The following CPNE2 variants were observed in gnomAD, a reference collection of about 807,000 sequenced individuals.
CPNE2 encodes copine 2.
CPNE2 carries 42 observed loss-of-function variants against 69.7 expected under a neutral mutation model. The observed-to-expected ratio is 0.60, with a 90% CI of 0.47 to 0.78. The LOEUF is 0.78. Among genes scored for constraint, CPNE2 ranks in the 30% least tolerant of loss-of-function variants. CPNE2 has a pLI of 0.00. For missense variants in CPNE2, 587 were observed against 732.0 expected (o/e 0.80, Z 2.29); for synonymous variants, 294 against 289.8 (o/e 1.01, Z -0.15).
intron 3 of CPNE2, among the ~76,000 whole-genome samples, chr16:57,114,456 C>G (rs554654051): frequency 1.3e-5 from 2 of 152,288 alleles, no homozygotes; most frequent in Non-Finnish European, 2.9e-5. Flanking sequence ...CCACCTCTCA[C>G]GCCACCTGCT....
At chr16:57,131,772 G>C (rs147816160) in intron 12 of CPNE2, among the ~76,000 whole-genome samples, 12 of 152,298 alleles carry the variant, frequency 7.9e-5, no homozygotes, top group African/African-American at 2.9e-4. Context: ...CCTCACTCCT[G>C]CTGCCTGAAG....
In CPNE2 at chr16:57,130,435, G is replaced by C. The variant is rs2069829436; in HGVS notation, c.1116+2532G>C. The stretch of plus-strand genomic sequence containing the variant: ...GAGAGAGCCAGGCAGATGAAGCGGA[G>C]ACTGAGCCCGGGGGCAGAGCAGGGA... On this transcript the variant is annotated intron_variant, in intron 12 of 15. Transcript: ENST00000290776. This position sits in a 1 kb window ranked among gnomAD's most constrained non-coding sequence, Gnocchi z 4.1. Among the ~76,000 whole-genome samples the C allele has an allele frequency of 6.6e-6, 1 of 152,092 alleles. No homozygotes were observed. The highest frequency in any genetic ancestry group is 2.1e-4 in the South Asian group (1 of 4,832).
At chr16:57,093,239 T>G (rs1238772459) in intron 1 of CPNE2, among the ~76,000 whole-genome samples, 1 of 121,650 alleles carries the variant, frequency 8.2e-6, no homozygotes, top group African/African-American at 3.0e-5. Flanking sequence ...ACCCACCCCC[T>G]GCCCCAGGCA....
At chr16:57,140,094 G>A (rs955008396) in intron 14 of CPNE2, among the ~76,000 whole-genome samples, 79 of 152,034 alleles carry the variant, frequency 5.2e-4, no homozygotes, top group African/African-American at 1.9e-3. Context: ...GGAGCTTCCC[G>A]GCCCTGACCC....
At chr16:57,134,449 G>A (rs2069861944) in intron 12 of CPNE2, among the ~76,000 whole-genome samples, 1 of 152,166 alleles carries the variant, frequency 6.6e-6, no homozygotes, top group Admixed American at 6.5e-5. Context: ...TGGAACCCTG[G>A]CCCACAGGGA....
intron 4 of CPNE2, 114 bp downstream of exon 4, chr16:57,115,664 C>G (rs1001303026): frequency 2.9e-6 from 2 of 699,838 alleles, no homozygotes; most frequent in Admixed American, 6.2e-5. Flanking sequence ...AGTAAAAAGG[C>G]CCAACTTACA....
At chr16:57,119,145 A>C in intron 5 of CPNE2, 50 bp from the exon 6 acceptor site, 1 of 1,546,438 alleles carries the variant, frequency 6.5e-7, no homozygotes, top group Non-Finnish European at 8.9e-7. Flanking sequence ...CATCTGCCTG[A>C]ACCTAGCAGG....
At chr16:57,110,472 TC>T (rs2069673741) in intron 1 of CPNE2, 1 of 204,296 alleles carries the variant, frequency 4.9e-6, no homozygotes, top group Admixed American at 6.0e-5. Flanking sequence ...GCACTTGACC[TC>T]CCCAAGTGCT....
chr16:57,096,481 C>T (rs1354900683), intron 1 of CPNE2, among the ~76,000 whole-genome samples: 1 of 152,080 alleles, frequency 6.6e-6, no homozygotes, highest in Non-Finnish European at 1.5e-5. Flanking sequence ...CACTTGAGCC[C>T]AGGAGTTCAA....
chr16:57,099,660 C>T (rs73548835), intron 1 of CPNE2, among the ~76,000 whole-genome samples: 10,016 of 151,340 alleles, frequency 0.066, 574 homozygotes, highest in African/African-American at 0.13. Flanking sequence ...TGCAGTGGCG[C>T]GATCTCAGCT....
chr16:57,114,686 A>G (rs1281748180), intron 3 of CPNE2, among the ~76,000 whole-genome samples: 1 of 152,156 alleles, frequency 6.6e-6, no homozygotes, highest in Non-Finnish European at 1.5e-5. Flanking sequence ...CTGGCCCCTG[A>G]GTGCAGTGGG....
intron 12 of CPNE2, among the ~76,000 whole-genome samples, chr16:57,128,403 G>C (rs1006695237): frequency 6.6e-6 from 1 of 151,822 alleles, no homozygotes; most frequent in Admixed American, 6.6e-5. Flanking sequence ...GCTAACTTTT[G>C]TATTTTTAGT....
At chr16:57,129,988 A>C in intron 12 of CPNE2, among the ~76,000 whole-genome samples, 1 of 152,074 alleles carries the variant, frequency 6.6e-6, no homozygotes, top group South Asian at 2.1e-4. Flanking sequence ...AGTGGCTCAC[A>C]CCTGTAATTT....
At chr16:57,145,250 T>C (rs2145288122) in intron 14 of CPNE2, among the ~76,000 whole-genome samples, 1 of 152,330 alleles carries the variant, frequency 6.6e-6, no homozygotes, top group East Asian at 1.9e-4. Context: ...CTGGGCTTCC[T>C]GCCTTCCCTT....
intron 1 of CPNE2, among the ~76,000 whole-genome samples, chr16:57,093,515 C>G (rs1374808835): frequency 6.6e-6 from 1 of 152,046 alleles, no homozygotes; most frequent in Non-Finnish European, 1.5e-5. Context: ...ACCCCATCCC[C>G]CAGCCTCGCT....
chr16:57,147,203 T>C (rs1005171398), intron 15 of CPNE2: 9 of 203,208 alleles, frequency 4.4e-5, no homozygotes, highest in Admixed American at 6.0e-5. Flanking sequence ...TGAACCATAC[T>C]GTCAGGCCCA....
At position 57,147,679 on chromosome 16, in the gene CPNE2, C is replaced by T. The variant is rs745543219; in HGVS notation, c.*21C>T. On this transcript the variant is annotated 3_prime_UTR_variant, in exon 16 of 16. Transcript: ENST00000290776. ...CCTGAGCTCCAGTGCCCAGCAGCAG[C>T]ATGTCAGCTGAGCCTCCTGCCCTCC... 1 of 1,552,044 alleles carries T rather than the reference C, an allele frequency of 6.4e-7. No individual in the cohort carries two copies. Among genetic ancestry groups the T allele is most frequent in the Non-Finnish European group, 8.8e-7 (1 of 1,132,978 alleles).
In CPNE2 at chr16:57,092,780, CG is replaced by C. The variant is rs2069552369; in HGVS notation, c.-43del. On this transcript the variant is annotated 5_prime_UTR_variant, in exon 1 of 16. Transcript: ENST00000290776. The surrounding 1 kb of genome is among the most constrained non-coding windows in gnomAD (Gnocchi z 5.3). Reference sequence around the variant, plus strand: ...CGTGCGGTGAGGGCGGTGGCGCCCGCGGGACCTGCGGTGAGTGGGGCCCGGG... The same window carrying C: ...CGTGCGGTGAGGGCGGTGGCGCCCGCGGACCTGCGGTGAGTGGGGCCCGGG... 6.6e-6 allele frequency: 1 copy of C among 151,498 alleles called. No individual in the cohort carries two copies. The highest frequency in any genetic ancestry group is 1.5e-5 in the Non-Finnish European group (1 of 67,882). 9.4% of individuals were successfully genotyped at this position (151,498 alleles called of 1,614,324 possible).
intron 13 of CPNE2, among the ~76,000 whole-genome samples, chr16:57,136,359 C>T (rs574943013): frequency 6.6e-6 from 1 of 152,218 alleles, no homozygotes; most frequent in Non-Finnish European, 1.5e-5. Context: ...ATTTACAGAG[C>T]GCCTACTCTG....
Sources: gnomAD v4.1 joint callset for allele counts (sites outside exome capture counted in the v4.1 genomes callset) on GRCh38, gnomAD v4.1.1 for gene constraint, Gnocchi (gnomAD v3.1) non-coding constraint, MANE v1.5 for transcripts, NCBI Gene and HGNC (gene_info 2026-07-23, HGNC 2026-07-21) for gene names.